The following CMTM3 variants were observed in gnomAD, a reference collection of about 807,000 sequenced individuals.
The protein encoded by CMTM3 is CKLF-like MARVEL transmembrane domain-containing protein 3.
In CMTM3, 7 loss-of-function variants were observed where a neutral mutation model predicts 18.2. That is an observed-to-expected ratio of 0.38 (90% CI 0.22 to 0.72). The LOEUF (loss-of-function observed/expected upper bound fraction) is 0.72, where lower values mean the gene tolerates loss of function less well. CMTM3 is among the 30% of genes least tolerant of loss of function. The pLI is 0.46. For missense variants in CMTM3, 227 were observed against 249.2 expected, an observed-to-expected ratio of 0.91 and a Z score of 0.60; for synonymous variants, 109 against 111.2, an observed-to-expected ratio of 0.98 and a Z score of 0.12.
In CMTM3 at chr16:66,609,118, G is replaced by A. The variant is rs372694693; in HGVS notation, c.304-317G>A. Among the ~76,000 whole-genome samples, 4 of 152,070 alleles carry A rather than the reference G, an allele frequency of 2.6e-5. No homozygotes were observed. The highest frequency in any genetic ancestry group is 7.2e-5 in the African/African-American group (3 of 41,456). On this transcript the variant is annotated intron_variant, in intron 2 of 4. Coordinates refer to ENST00000567572, the MANE Select transcript of CMTM3 (RefSeq NM_181553.4). The surrounding 1 kb of genome is among the most constrained non-coding windows in gnomAD (Gnocchi z 4.4). Reference sequence around the variant, plus strand: ...GATCTCCCCAATGGAGAGCGGGAAGGGAGCAGGTGGGGGTGTTTCCAACTT... The same window carrying A: ...GATCTCCCCAATGGAGAGCGGGAAGAGAGCAGGTGGGGGTGTTTCCAACTT...
rs866588793 is a variant in CMTM3, at chr16:66,609,882, G to C, written c.400-1G>C. 1 of 1,614,172 alleles carries C rather than the reference G, an allele frequency of 6.2e-7. No individual in the cohort carries two copies. The highest frequency in any genetic ancestry group is 1.7e-5 in the Admixed American group (1 of 60,030). ...ATGCATCCCATCCACCCTGTCCACA[G>C]GTGTTTGGCTTCTTTGCTACCATCG... On this transcript the variant is annotated splice_acceptor_variant, in intron 3 of 4. Coordinates refer to ENST00000567572, the MANE Select transcript of CMTM3 (RefSeq NM_181553.4). LOFTEE classifies it high-confidence loss of function. The surrounding 1 kb of genome is among the most constrained non-coding windows in gnomAD (Gnocchi z 4.4).
chr16:66,612,533 G>A lies in CMTM3; in HGVS notation c.521-76G>A. On this transcript the variant is annotated intron_variant, in intron 4 of 4. Transcript: ENST00000567572. This position sits in a 1 kb window ranked among gnomAD's most constrained non-coding sequence, Gnocchi z 6.0. The stretch of plus-strand genomic sequence containing the variant: ...CCAGGCTCCTGCCAGCAACCCAGCT[G>A]TGCTTCCCCAGAGACCGTTCCCAGG... 1.3e-6 allele frequency: 2 copies of A among 1,503,244 alleles called. No homozygotes were observed. The highest frequency in any genetic ancestry group is 1.8e-6 in the Non-Finnish European group (2 of 1,088,290). 93.1% of individuals were successfully genotyped at this position (1,503,244 alleles called of 1,614,324 possible). A position where few individuals can be genotyped will look rare whatever the true frequency, so the allele number is the denominator to read the frequency against.
rs890509897 is a variant in CMTM3, at chr16:66,605,770, G to T, written c.147+818G>T. On this transcript the variant is annotated intron_variant, in intron 1 of 4. Coordinates refer to ENST00000567572, the MANE Select transcript of CMTM3 (RefSeq NM_181553.4). This position sits in a 1 kb window ranked among gnomAD's most constrained non-coding sequence, Gnocchi z 4.6. ...ACAGGTGGCTCAACTGAGGGGCCCA[G>T]TGAGAGCGGCCAGGAGGGTGGGGGC... Among the ~76,000 whole-genome samples, 2 of 152,224 alleles carry T rather than the reference G, an allele frequency of 1.3e-5. No individual in the cohort carries two copies. The highest frequency in any genetic ancestry group is 4.8e-5 in the African/African-American group (2 of 41,458).
chr16:66,609,864 C>A lies in CMTM3; in HGVS notation c.400-19C>A, dbSNP rs377524199. The A allele has an allele frequency of 6.2e-7, 1 of 1,614,194 alleles. No homozygotes were observed. The highest frequency in any genetic ancestry group is 8.5e-7 in the Non-Finnish European group (1 of 1,180,038). On this transcript the variant is annotated intron_variant, in intron 3 of 4. Coordinates refer to ENST00000567572, the MANE Select transcript of CMTM3 (RefSeq NM_181553.4). This position sits in a 1 kb window ranked among gnomAD's most constrained non-coding sequence, Gnocchi z 4.4. ...CAGGGAGTCAGCCCTGTGATGCATC[C>A]CATCCACCCTGTCCACAGGTGTTTG...
In CMTM3 at chr16:66,613,060, A is replaced by C; in HGVS notation, c.*423A>C. On this transcript the variant is annotated 3_prime_UTR_variant, in exon 5 of 5. Coordinates refer to ENST00000567572, the MANE Select transcript of CMTM3 (RefSeq NM_181553.4). ...GAAACCATGACAGGGCTGCCCCGCC[A>C]GGCCCCGGTGGGTTTGTCTGCACTT... The C allele has an allele frequency of 1.4e-6, 1 of 703,012 alleles. No homozygotes were observed. Among genetic ancestry groups the C allele is most frequent in the Non-Finnish European group, 2.6e-6 (1 of 385,006 alleles). 43.5% of individuals were successfully genotyped at this position (703,012 alleles called of 1,614,324 possible). A position where few individuals can be genotyped will look rare whatever the true frequency, so the allele number is the denominator to read the frequency against.
rs535025848 is a variant in CMTM3, at chr16:66,608,696, C to T, written c.303+232C>T. On this transcript the variant is annotated intron_variant, in intron 2 of 4. Coordinates refer to ENST00000567572, the MANE Select transcript of CMTM3 (RefSeq NM_181553.4). The surrounding 1 kb of genome is among the most constrained non-coding windows in gnomAD (Gnocchi z 5.1). ...GAGCAGGTCTGTGAGGCAGGGAACC[C>T]GGAGAGGGGTCTCTGGCCACCAGGT... Among the ~76,000 whole-genome samples, 2 of 152,292 alleles carry T rather than the reference C, an allele frequency of 1.3e-5. No homozygotes were observed. The highest frequency in any genetic ancestry group is 1.9e-4 in the East Asian group (1 of 5,174).
rs562947259 is a variant in CMTM3 at position 66,613,318 on chromosome 16, T to C, written c.*681T>C. On this transcript the variant is annotated 3_prime_UTR_variant, in exon 5 of 5. Transcript: ENST00000567572. ...TAAGACTGTTTCAAAGAAGAGCTCA[T>C]AGACTGACTGGTCCAGAAGACAGAG... The C allele has an allele frequency of 8.5e-6, 5 of 587,106 alleles. No homozygotes were observed. The highest frequency in any genetic ancestry group is 3.7e-5 in the African/African-American group (2 of 53,784). The allele number at this position is 587,106 out of a possible 1,614,324, so 36.4% of individuals were successfully genotyped here.
chr16:66,606,760 A>G (rs1405050296), intron 1 of CMTM3, among the ~76,000 whole-genome samples: 1 of 152,176 alleles, frequency 6.6e-6, no homozygotes, highest in Non-Finnish European at 1.5e-5. Flanking sequence ...TAGGAGGCCG[A>G]GGTGGGTGGA....
Position 66,604,766 on chromosome 16 carries a change from G to T in CMTM3, c.-40G>T. 8.2e-7 allele frequency: 1 copy of T among 1,221,326 alleles called. No individual in the cohort carries two copies. The highest frequency in any genetic ancestry group is 1.0e-6 in the Non-Finnish European group (1 of 981,832). The allele number at this position is 1,221,326 out of a possible 1,614,324, so 75.7% of individuals were successfully genotyped here. ...CGCTTCCCTCCGGGCGCGAGAAGAG[G>T]GGAGCCAGGCCGAGCCCCGGCCCTA... is the stretch of plus-strand genomic sequence containing the variant. On this transcript the variant is annotated 5_prime_UTR_variant, in exon 1 of 5. Coordinates refer to ENST00000567572, the MANE Select transcript of CMTM3 (RefSeq NM_181553.4).
rs930197138 is a variant in CMTM3 at position 66,609,548 on chromosome 16, C to T, written c.399+18C>T. 1 of 1,577,844 alleles carries T rather than the reference C, an allele frequency of 6.3e-7. No individual in the cohort carries two copies. The highest frequency in any genetic ancestry group is 1.3e-5 in the African/African-American group (1 of 74,530). On this transcript the variant is annotated intron_variant, in intron 3 of 4. Coordinates refer to ENST00000567572, the MANE Select transcript of CMTM3 (RefSeq NM_181553.4). The surrounding 1 kb of genome is among the most constrained non-coding windows in gnomAD (Gnocchi z 4.4). ...CCGCTGGGGTGAGCAGCCGCCCCACCCCTCTGGAAACTGCAGATGCCCCTC... is the reference window on the plus strand; with the variant it reads ...CCGCTGGGGTGAGCAGCCGCCCCACTCCTCTGGAAACTGCAGATGCCCCTC...
chr16:66,613,533 AT>A lies in CMTM3; in HGVS notation c.*899del. Reference sequence around the variant, plus strand: ...ACCAGCCTTCTGTGTTCACCTAACGATTTATACTGTGTATCTGTCTTTGATG... The same window carrying A: ...ACCAGCCTTCTGTGTTCACCTAACGATTATACTGTGTATCTGTCTTTGATG... On this transcript the variant is annotated 3_prime_UTR_variant, in exon 5 of 5. Transcript: ENST00000567572. 1 of 181,738 alleles carries A rather than the reference AT, an allele frequency of 5.5e-6. No individual in the cohort carries two copies. The highest frequency in any genetic ancestry group is 1.6e-4 in the South Asian group (1 of 6,132). 11.3% of individuals were successfully genotyped at this position (181,738 alleles called of 1,614,324 possible). A position where few individuals can be genotyped will look rare whatever the true frequency, so the allele number is the denominator to read the frequency against.
Position 66,609,793 on chromosome 16 carries a change from G to C in CMTM3, c.400-90G>C. ...CCTGACACTCGGGCTGTTTGTCCAA[G>C]CAGATCTGAAATGGGCCGTGAGGCT... On this transcript the variant is annotated intron_variant, in intron 3 of 4. Coordinates refer to ENST00000567572, the MANE Select transcript of CMTM3 (RefSeq NM_181553.4). The surrounding 1 kb of genome is among the most constrained non-coding windows in gnomAD (Gnocchi z 4.4). The C allele has an allele frequency of 1.2e-6, 2 of 1,613,192 alleles. No homozygotes were observed. The highest frequency in any genetic ancestry group is 1.7e-6 in the Non-Finnish European group (2 of 1,179,568).
At chr16:66,607,596 A>C (rs2015205108) in intron 1 of CMTM3, among the ~76,000 whole-genome samples, 2 of 152,174 alleles carry the variant, frequency 1.3e-5, no homozygotes, top group Non-Finnish European at 2.9e-5. Context: ...TTTTCTTTTC[A>C]AGGTGAAATC....
intron 4 of CMTM3, among the ~76,000 whole-genome samples, chr16:66,611,215 G>A (rs904517139): frequency 9.9e-5 from 15 of 152,208 alleles, no homozygotes; most frequent in Non-Finnish European, 1.8e-4. Context: ...CACTTTGGGA[G>A]GCCGAGACGG....
At position 66,608,493 on chromosome 16, in the gene CMTM3, G is replaced by A. The variant is rs1354397600; in HGVS notation, c.303+29G>A. 2 of 1,610,862 alleles carry A rather than the reference G, an allele frequency of 1.2e-6. No homozygotes were observed. Among genetic ancestry groups the A allele is most frequent in the South Asian group, 1.1e-5 (1 of 91,032 alleles). On this transcript the variant is annotated intron_variant, in intron 2 of 4. Coordinates refer to ENST00000567572, the MANE Select transcript of CMTM3 (RefSeq NM_181553.4). This position sits in a 1 kb window ranked among gnomAD's most constrained non-coding sequence, Gnocchi z 5.1. ...AGGACAGGGGCCCCAGGAGGGAGGG[G>A]TGCCCTGCACAAAGTGGCCAGATGA...
At position 66,610,119 on chromosome 16, in the gene CMTM3, A is replaced by G; in HGVS notation, c.520+116A>G. On this transcript the variant is annotated intron_variant, in intron 4 of 4. Transcript: ENST00000567572. The surrounding 1 kb of genome is among the most constrained non-coding windows in gnomAD (Gnocchi z 4.6). ...CATTTCCTCTCTCCCCATGGCAGGA[A>G]GTGTTTTCACAGCCCATTCTCACCT... 1 of 1,383,222 alleles carries G rather than the reference A, an allele frequency of 7.2e-7. No individual in the cohort carries two copies. Among genetic ancestry groups the G allele is most frequent in the Non-Finnish European group, 1.0e-6 (1 of 1,003,144 alleles). 85.7% of individuals were successfully genotyped at this position (1,383,222 alleles called of 1,614,324 possible).
In CMTM3 at chr16:66,605,904, A is replaced by G. The variant is rs1411078974; in HGVS notation, c.147+952A>G. On this transcript the variant is annotated intron_variant, in intron 1 of 4. Coordinates refer to ENST00000567572, the MANE Select transcript of CMTM3 (RefSeq NM_181553.4). This position sits in a 1 kb window ranked among gnomAD's most constrained non-coding sequence, Gnocchi z 4.6. ...GGTCAGCCCAGAGGCCACCTGCCCA[A>G]CGCCCAAGTGAGACACCAATGCCAC... Among the ~76,000 whole-genome samples the G allele has an allele frequency of 6.6e-6, 1 of 151,912 alleles. No individual in the cohort carries two copies. The highest frequency in any genetic ancestry group is 1.5e-5 in the Non-Finnish European group (1 of 67,958).
At chr16:66,604,680 G>C, upstream of CMTM3, 2 of 705,646 alleles carry the variant, frequency 2.8e-6, no homozygotes, top group Non-Finnish European at 3.8e-6. Flanking sequence ...GCGTGGCGGC[G>C]GGGGATGCGC....
chr16:66,607,215 T>C (rs355936), intron 1 of CMTM3, among the ~76,000 whole-genome samples: 18,552 of 152,232 alleles, frequency 0.12, 1,480 homozygotes, highest in East Asian at 0.29. Context: ...CTCTGCAGCG[T>C]ACCTGGGCTG....
Sources: allele counts gnomAD v4.1 joint callset (sites outside exome capture counted in the v4.1 genomes callset), GRCh38; gene constraint gnomAD v4.1.1; non-coding constraint Gnocchi (gnomAD v3.1); transcripts MANE v1.5; gene names NCBI Gene and HGNC (gene_info 2026-07-23, HGNC 2026-07-21).